Variants in DRG2 observed in about 807,000 individuals in gnomAD.
The protein encoded by DRG2 is developmentally regulated GTP binding protein 2, also known as developmentally-regulated GTP-binding protein 2.
A neutral mutation model predicts 53.4 loss-of-function variants in DRG2; 36 were observed. The ratio of observed to expected loss-of-function variants is 0.67; its 90% CI spans 0.52 to 0.89. DRG2 has a LOEUF of 0.89. DRG2 is among the 40% of genes least tolerant of loss of function. The probability of loss-of-function intolerance (pLI) is 0.00; values close to 1 mark genes in which losing one functional copy is unlikely to be tolerated. For synonymous variants in DRG2, 167 were observed against 192.1 expected, an observed-to-expected ratio of 0.87 and a Z score of 1.08; for missense variants, 342 against 481.2, an observed-to-expected ratio of 0.71 and a Z score of 2.71.
rs765208015 is a variant in DRG2 at position 18,100,562 on chromosome 17, C to G, written c.541-7C>G. On this transcript the variant is annotated splice_region_variant and splice_polypyrimidine_tract_variant and intron_variant, in intron 6 of 12. Coordinates refer to ENST00000225729, the MANE Select transcript of DRG2 (RefSeq NM_001388.5). The surrounding 1 kb of genome is among the most constrained non-coding windows in gnomAD (Gnocchi z 4.1). ...GCAGTTCTCCCCATCCCTTTCTCCT[C>G]TTTCAGCCCAAGAAAGGTGGTGGCA... 6 of 1,614,204 alleles carry G rather than the reference C, an allele frequency of 3.7e-6. No individual in the cohort carries two copies. Among genetic ancestry groups the G allele is most frequent in the South Asian group, 1.1e-5 (1 of 91,082 alleles).
At position 18,099,268 on chromosome 17, in the gene DRG2, C is replaced by G; in HGVS notation, c.376+191C>G. On this transcript the variant is annotated intron_variant, in intron 4 of 12. Transcript: ENST00000225729. This position sits in a 1 kb window ranked among gnomAD's most constrained non-coding sequence, Gnocchi z 4.4. ...ATCTTGGGCAAGTGATTGGGTATCTCTAAGCCAAGCCTCAGTTTCCTCAGC... is the reference window on the plus strand; with the variant it reads ...ATCTTGGGCAAGTGATTGGGTATCTGTAAGCCAAGCCTCAGTTTCCTCAGC... 1 of 678,056 alleles carries G rather than the reference C, an allele frequency of 1.5e-6. No homozygotes were observed. The highest frequency in any genetic ancestry group is 1.9e-5 in the South Asian group (1 of 52,566). 42.0% of individuals were successfully genotyped at this position (678,056 alleles called of 1,614,324 possible). A position where few individuals can be genotyped will look rare whatever the true frequency, so the allele number is the denominator to read the frequency against.
chr17:18,088,927 A>T (rs1310442828), intron 1 of DRG2, among the ~76,000 whole-genome samples: 1 of 152,170 alleles, frequency 6.6e-6, no homozygotes, highest in Non-Finnish European at 1.5e-5. Flanking sequence ...TGGTATGTTC[A>T]TGGGACAGTG....
rs1183773692 is a variant in DRG2 at position 18,100,375 on chromosome 17, G to A, written c.480G>A (p.Glu160=). 1 of 1,614,106 alleles carries A rather than the reference G, an allele frequency of 6.2e-7. No individual in the cohort carries two copies. The highest frequency in any genetic ancestry group is 1.3e-5 in the African/African-American group (1 of 74,944). The change falls in exon 6 of 13, where the codon GAG becomes GAA. Residue 160 remains glutamate, a synonymous_variant. Transcript: ENST00000225729. This position sits in a 1 kb window ranked among gnomAD's most constrained non-coding sequence, Gnocchi z 4.1. ...TKGEVQRSLL[E]KELESVGIRL... ...GTACTCTTCCTAGGTCTCTGCTGGA[G>A]AAGGAGCTGGAGTCTGTGGGCATCC...
chr17:18,090,909 A>G (rs1490791611), intron 1 of DRG2, among the ~76,000 whole-genome samples: 1 of 151,008 alleles, frequency 6.6e-6, no homozygotes, highest in Non-Finnish European at 1.5e-5. Flanking sequence ...AGCCTCAAGC[A>G]GTCCTCCCTT....
At chr17:18,105,443 T>C (rs887288474) in intron 11 of DRG2, 4 of 152,282 alleles carry the variant, frequency 2.6e-5, no homozygotes, top group Non-Finnish European at 1.5e-5. Flanking sequence ...GTCTCATGCA[T>C]TCATTCATTC....
At chr17:18,094,608 A>G (rs4925139) in intron 2 of DRG2, among the ~76,000 whole-genome samples, 139,456 of 152,214 alleles carry the variant, frequency 0.92, 63,883 homozygotes, top group South Asian at 0.95. Context: ...GGCAGAAGAC[A>G]GAGAGGATAG....
intron 1 of DRG2, among the ~76,000 whole-genome samples, chr17:18,090,120 G>C (rs1487188836): frequency 1.3e-5 from 2 of 150,482 alleles, no homozygotes; most frequent in Non-Finnish European, 3.0e-5. Context: ...CCTCCCTTCA[G>C]AGATGCTCAG....
At chr17:18,095,147 G>C (rs921809720) in intron 2 of DRG2, among the ~76,000 whole-genome samples, 1 of 151,242 alleles carries the variant, frequency 6.6e-6, no homozygotes, top group African/African-American at 2.4e-5. Flanking sequence ...GAGTAGCTGG[G>C]ATTACAGGCA....
At chr17:18,101,019 G>A (rs963908694) in intron 7 of DRG2, among the ~76,000 whole-genome samples, 7 of 152,202 alleles carry the variant, frequency 4.6e-5, no homozygotes, top group Non-Finnish European at 1.0e-4. Flanking sequence ...GGCTGGTTGT[G>A]TTCTGGGGCC....
Position 18,087,999 on chromosome 17 carries a change from C to CTGTG in DRG2, c.-24_-21dup. ...TTGCCGGTGCCGCCGCCACCGCTGTCTGTGCGCCCACCTCTGCTGCTACCA... is the reference window on the plus strand; with the variant it reads ...TTGCCGGTGCCGCCGCCACCGCTGTCTGTGTGTGCGCCCACCTCTGCTGCTACCA... On this transcript the variant is annotated 5_prime_UTR_variant, in exon 1 of 13. Coordinates refer to ENST00000225729, the MANE Select transcript of DRG2 (RefSeq NM_001388.5). 1 of 1,546,378 alleles carries CTGTG rather than the reference C, an allele frequency of 6.5e-7. No individual in the cohort carries two copies. The highest frequency in any genetic ancestry group is 2.0e-5 in the Admixed American group (1 of 50,514).
chr17:18,105,556 C>CAGG (rs2045614180), intron 11 of DRG2: 1 of 152,326 alleles, frequency 6.6e-6, no homozygotes. Context: ...GAGATCACAG[C>CAGG]AGGAGGAGCC....
chr17:18,092,400 C>T (rs923819668), intron 1 of DRG2, among the ~76,000 whole-genome samples: 5 of 152,024 alleles, frequency 3.3e-5, no homozygotes, highest in Admixed American at 6.6e-5. Flanking sequence ...GAGCTATAAT[C>T]GTGCCACTGA....
rs145174306 is a variant in DRG2, at chr17:18,093,255, G to A, written c.65-558G>A. ...ATTTCCAGAATGCCCCCCAGGAAGC[G>A]GTGCCCCCTCTGTTGAGAACCATTG... On this transcript the variant is annotated intron_variant, in intron 1 of 12. Coordinates refer to ENST00000225729, the MANE Select transcript of DRG2 (RefSeq NM_001388.5). Among the ~76,000 whole-genome samples, 74 of 152,094 alleles carry A rather than the reference G, an allele frequency of 4.9e-4. No homozygotes were observed. In the East Asian group the frequency reaches 0.01, roughly 21 times the overall value.
At chr17:18,094,014 A>G in intron 2 of DRG2, 41 bp downstream of exon 2, 1 of 1,589,848 alleles carries the variant, frequency 6.3e-7, no homozygotes, top group Non-Finnish European at 8.6e-7. Context: ...GGAAAGCAAG[A>G]AGTCATCTTT....
rs2045489298 is a variant in DRG2 at position 18,099,461 on chromosome 17, T to A, written c.377-172T>A. On this transcript the variant is annotated intron_variant, in intron 4 of 12. Coordinates refer to ENST00000225729, the MANE Select transcript of DRG2 (RefSeq NM_001388.5). The surrounding 1 kb of genome is among the most constrained non-coding windows in gnomAD (Gnocchi z 4.4). The stretch of plus-strand genomic sequence containing the variant: ...ATGATGGTGGTGTCGGATTTTCTTC[T>A]GAAATAAGTCTCCGTCAGTAAAACA... 2 of 711,958 alleles carry A rather than the reference T, an allele frequency of 2.8e-6. No homozygotes were observed. The highest frequency in any genetic ancestry group is 3.4e-5 in the South Asian group (2 of 59,554). 44.1% of individuals were successfully genotyped at this position (711,958 alleles called of 1,614,324 possible).
In DRG2 at chr17:18,107,217, G is replaced by A. The variant is rs760987687; in HGVS notation, c.1072G>A (p.Val358Ile). 5 of 1,613,284 alleles carry A rather than the reference G, an allele frequency of 3.1e-6. No homozygotes were observed. The highest frequency in any genetic ancestry group is 1.1e-5 in the South Asian group (1 of 91,086). Reference sequence around the variant, plus strand: ...GACCCACACCATGGAGCATGAGGACGTCATCCAGATCGTGAAGAAGTAACG... The same window carrying A: ...GACCCACACCATGGAGCATGAGGACATCATCCAGATCGTGAAGAAGTAACG... The part of the protein sequence containing the change: ...GLTHTMEHED[V>I]IQIVKK The change falls in exon 13 of 13, where the codon GTC becomes ATC. Residue 358 changes from valine (V) to isoleucine (I), a missense_variant. Coordinates refer to ENST00000225729, the MANE Select transcript of DRG2 (RefSeq NM_001388.5).
intron 12 of DRG2, 59 bp downstream of exon 12, chr17:18,106,545 G>T (rs1241912500): frequency 3.1e-6 from 5 of 1,594,312 alleles, no homozygotes; most frequent in Middle Eastern, 3.3e-4. Context: ...CCTGGGTTAG[G>T]CATGAAGCAA....
intron 11 of DRG2, 50 bp from the exon 12 acceptor site, chr17:18,106,383 G>A: frequency 6.2e-7 from 1 of 1,606,950 alleles, no homozygotes; most frequent in Non-Finnish European, 8.5e-7. Flanking sequence ...AGCTTGGGAT[G>A]GGGTTAGGTG....
chr17:18,092,579 C>CA (rs1331250960), intron 1 of DRG2, among the ~76,000 whole-genome samples: 4 of 152,000 alleles, frequency 2.6e-5, no homozygotes, highest in Admixed American at 6.6e-5. Context: ...GAGTTTGTAA[C>CA]ACCATTTACA....
Sources: allele counts gnomAD v4.1 joint callset (sites outside exome capture counted in the v4.1 genomes callset), GRCh38; gene constraint gnomAD v4.1.1; non-coding constraint Gnocchi (gnomAD v3.1); transcripts MANE v1.5; gene names NCBI Gene and HGNC (gene_info 2026-07-23, HGNC 2026-07-21).